The following RASGEF1C variants were observed in gnomAD, a reference collection of about 807,000 sequenced individuals.
RASGEF1C encodes ras-GEF domain-containing family member 1C.
In RASGEF1C, 27 loss-of-function variants were observed where a neutral mutation model predicts 58.1. That is an observed-to-expected ratio of 0.46 (90% CI 0.34 to 0.64). RASGEF1C has a LOEUF of 0.64. RASGEF1C is among the 30% of genes least tolerant of loss of function. The pLI, the probability that RASGEF1C is intolerant of heterozygous loss-of-function variation, is 0.01. For missense variants in RASGEF1C, 502 were observed against 605.1 expected, an observed-to-expected ratio of 0.83 and a Z score of 1.79; for synonymous variants, 243 against 246.3, an observed-to-expected ratio of 0.99 and a Z score of 0.13.
intron 4 of RASGEF1C, among the ~76,000 whole-genome samples, chr5:180,135,658 T>A (rs1766459203): frequency 6.6e-6 from 1 of 152,212 alleles, no homozygotes; most frequent in African/African-American, 2.4e-5. Flanking sequence ...CCCTTCAGTG[T>A]TCTCCTCAGA....
chr5:180,130,471 GTCTC>G (rs1420068166), intron 4 of RASGEF1C, among the ~76,000 whole-genome samples: 1 of 152,208 alleles, frequency 6.6e-6, no homozygotes, highest in African/African-American at 2.4e-5. Flanking sequence ...CGGACCTCCT[GTCTC>G]TCTCCCAGGC....
Position 180,136,437 on chromosome 5 carries a change from C to G in RASGEF1C, c.379G>C (p.Glu127Gln). 1 of 1,560,822 alleles carries G rather than the reference C, an allele frequency of 6.4e-7. No homozygotes were observed. The highest frequency in any genetic ancestry group is 8.7e-7 in the Non-Finnish European group (1 of 1,152,310). Residue 127 changes from glutamate (E) to glutamine (Q), a missense_variant, in exon 4 of 14, where the codon GAA becomes CAA. Physicochemically the swap from Glu to Gln is conservative, Grantham distance 29. Transcript: ENST00000361132. Reference protein sequence around the residue: ...WTETFPRDFQEESTIGHLKDV... With the variant: ...WTETFPRDFQQESTIGHLKDV... ...TTAAGGTGCCCGATAGTCGACTCTT[C>G]CTGGAAGTCCCTTGGGAAGGTCTCG...
At chr5:180,110,171 G>C (rs1188406678) in intron 12 of RASGEF1C, among the ~76,000 whole-genome samples, 2 of 152,118 alleles carry the variant, frequency 1.3e-5, no homozygotes, top group Non-Finnish European at 2.9e-5. Context: ...CTGCAGGAGA[G>C]GCTTAGAGAC....
chr5:180,204,020 C>CAAA (rs1280643867), intron 1 of RASGEF1C, among the ~76,000 whole-genome samples: 4 of 151,478 alleles, frequency 2.6e-5, no homozygotes, highest in Non-Finnish European at 5.9e-5. Flanking sequence ...ACAACAACAA[C>CAAA]AACAACAACA....
rs1756291595 is a variant in RASGEF1C at position 180,197,031 on chromosome 5, C to T, written c.-7+11997G>A. On this transcript the variant is annotated intron_variant, in intron 1 of 13. Coordinates refer to ENST00000361132, the MANE Select transcript of RASGEF1C (RefSeq NM_175062.4). This position sits in a 1 kb window ranked among gnomAD's most constrained non-coding sequence, Gnocchi z 4.7. ...TGGGTGTGCTGCCCGAGGCTGGCGT[C>T]GGTGAGGCTCCCCTCAGACCTCACC... Among the ~76,000 whole-genome samples, 1 of 152,234 alleles carries T rather than the reference C, an allele frequency of 6.6e-6. No homozygotes were observed. Among genetic ancestry groups the T allele is most frequent in the African/African-American group, 2.4e-5 (1 of 41,460 alleles).
At chr5:180,118,215 G>A (rs1766101461) in intron 10 of RASGEF1C, among the ~76,000 whole-genome samples, 2 of 152,150 alleles carry the variant, frequency 1.3e-5, no homozygotes, top group East Asian at 3.8e-4. Context: ...GGACCAAAGG[G>A]CCCCAAGTGG....
Position 180,158,986 on chromosome 5 carries a change from C to T in RASGEF1C, c.-6-20928G>A, listed in dbSNP as rs1193996485. On this transcript the variant is annotated intron_variant, in intron 1 of 13. Coordinates refer to ENST00000361132, the MANE Select transcript of RASGEF1C (RefSeq NM_175062.4). The surrounding 1 kb of genome is among the most constrained non-coding windows in gnomAD (Gnocchi z 4.0). ...CTTTCTGAAAGCATTTCAATTTTAT[C>T]TTCTAAATCTTTTATTTCTGCTGAT... Among the ~76,000 whole-genome samples, 1 of 151,984 alleles carries T rather than the reference C, an allele frequency of 6.6e-6. No homozygotes were observed. The highest frequency in any genetic ancestry group is 1.5e-5 in the Non-Finnish European group (1 of 67,988).
intron 12 of RASGEF1C, among the ~76,000 whole-genome samples, chr5:180,107,597 A>C (rs916658343): frequency 2.6e-5 from 4 of 152,118 alleles, no homozygotes; most frequent in Admixed American, 2.0e-4. Context: ...ATTTAAAAAA[A>C]AATTTATTTT....
intron 1 of RASGEF1C, among the ~76,000 whole-genome samples, chr5:180,162,091 G>A (rs1277161351): frequency 6.6e-6 from 1 of 152,188 alleles, no homozygotes; most frequent in Non-Finnish European, 1.5e-5. Flanking sequence ...TGTCCCCCAC[G>A]GAGCTAGCAA....
chr5:180,146,508 C>CT (rs879767569), intron 1 of RASGEF1C, among the ~76,000 whole-genome samples: 175 of 144,812 alleles, frequency 1.2e-3, no homozygotes, highest in East Asian at 3.6e-3. Context: ...TTTTGGAGTA[C>CT]TTTTTTTTTT....
At chr5:180,160,586 C>G (rs527935232) in intron 1 of RASGEF1C, among the ~76,000 whole-genome samples, 22 of 152,164 alleles carry the variant, frequency 1.4e-4, no homozygotes, top group Admixed American at 1.3e-4. Context: ...AGCTTTGCCT[C>G]TGGGAAGGAA....
intron 3 of RASGEF1C, chr5:180,136,857 A>C (rs1766488419): frequency 3.2e-6 from 1 of 309,562 alleles, no homozygotes; most frequent in Non-Finnish European, 6.0e-6. Flanking sequence ...CAGAGCAGGC[A>C]TACGCCATCG....
At chr5:180,113,310 A>C (rs1765999648) in intron 11 of RASGEF1C, among the ~76,000 whole-genome samples, 1 of 60,998 alleles carries the variant, frequency 1.6e-5, no homozygotes, top group African/African-American at 6.7e-5. Context: ...GGGACCGGGG[A>C]TGGACGGAGG....
At chr5:180,113,410 CGGAGGGATCGGGGATGGAT>C (rs1766002967) in intron 11 of RASGEF1C, among the ~76,000 whole-genome samples, 1 of 49,164 alleles carries the variant, frequency 2.0e-5, no homozygotes, top group Non-Finnish European at 4.1e-5. Flanking sequence ...CGGGGATGGA[CGGAGGGATCGGGGATGGAT>C]GGAGGGATCC....
At chr5:180,182,359 G>C (rs1234771848) in intron 1 of RASGEF1C, among the ~76,000 whole-genome samples, 5 of 152,110 alleles carry the variant, frequency 3.3e-5, no homozygotes, top group Admixed American at 6.6e-5. Context: ...CCTTCACGGT[G>C]AGTGTTACAG....
At chr5:180,172,000 T>A (rs562276998) in intron 1 of RASGEF1C, among the ~76,000 whole-genome samples, 32 of 152,290 alleles carry the variant, frequency 2.1e-4, no homozygotes, top group African/African-American at 7.0e-4. Flanking sequence ...GTGGGGTCAG[T>A]GGGTGCACTA....
chr5:180,165,009 CG>C (rs1554114298), intron 1 of RASGEF1C, among the ~76,000 whole-genome samples: 1 of 152,148 alleles, frequency 6.6e-6, no homozygotes, highest in Non-Finnish European at 1.5e-5. Context: ...TTTATCATTA[CG>C]TAATGTCCTT....
At position 180,155,600 on chromosome 5, in the gene RASGEF1C, T is replaced by C. The variant is rs1392105932; in HGVS notation, c.-6-17542A>G. Among the ~76,000 whole-genome samples, 1 of 152,038 alleles carries C rather than the reference T, an allele frequency of 6.6e-6. No homozygotes were observed. Among genetic ancestry groups the C allele is most frequent in the African/African-American group, 2.4e-5 (1 of 41,382 alleles). ...CAGGGCCCGGCTTGCAGGCAATCTG[T>C]TGGATGCGAGGCGACAGCACCAAGA... On this transcript the variant is annotated intron_variant, in intron 1 of 13. Transcript: ENST00000361132. The surrounding 1 kb of genome is among the most constrained non-coding windows in gnomAD (Gnocchi z 5.2).
At chr5:180,200,275 T>C (rs547625546) in intron 1 of RASGEF1C, among the ~76,000 whole-genome samples, 3 of 148,868 alleles carry the variant, frequency 2.0e-5, no homozygotes, top group African/African-American at 7.4e-5. Flanking sequence ...TTGATGGATT[T>C]ATTTAATAGA....
Sources: allele counts gnomAD v4.1 joint callset (sites outside exome capture counted in the v4.1 genomes callset), GRCh38; gene constraint gnomAD v4.1.1; non-coding constraint Gnocchi (gnomAD v3.1); transcripts MANE v1.5; gene names NCBI Gene and HGNC (gene_info 2026-07-23, HGNC 2026-07-21).